The following SHROOM3 variants were observed in gnomAD, a reference collection of about 807,000 sequenced individuals.
The protein encoded by SHROOM3 is protein Shroom3.
SHROOM3 carries 47 observed loss-of-function variants against 138.6 expected under a neutral mutation model. The ratio of observed to expected loss-of-function variants is 0.34; its 90% CI spans 0.27 to 0.43. The LOEUF is 0.43. Ranked by LOEUF, SHROOM3 falls within the 20% of genes least tolerant of loss-of-function variation. The pLI is 1.00. For missense variants in SHROOM3, 2,491 were observed against 2,596.5 expected, an observed-to-expected ratio of 0.96 and a Z score of 0.88; for synonymous variants, 1,062 against 1,063.3, an observed-to-expected ratio of 1.00 and a Z score of 0.02.
intron 2 of SHROOM3, among the ~76,000 whole-genome samples, chr4:76,589,506 T>C (rs1441547434): frequency 6.6e-6 from 1 of 151,026 alleles, no homozygotes; most frequent in East Asian, 1.9e-4. Context: ...CTGGCATCAG[T>C]CACTGAAGGA....
At chr4:76,590,509 C>CTTT (rs34593122) in intron 2 of SHROOM3, among the ~76,000 whole-genome samples, 85 of 137,530 alleles carry the variant, frequency 6.2e-4, no homozygotes, top group South Asian at 1.9e-3. Context: ...AAGAATGGTG[C>CTTT]TTTTTTTTTT....
intron 2 of SHROOM3, among the ~76,000 whole-genome samples, chr4:76,566,226 G>A (rs139745027): frequency 2.0e-4 from 30 of 151,818 alleles, no homozygotes; most frequent in African/African-American, 6.8e-4. Context: ...GATTCACGTA[G>A]CATTTACATT....
intron 1 of SHROOM3, among the ~76,000 whole-genome samples, chr4:76,499,131 C>T (rs747597351): frequency 2.6e-5 from 4 of 152,174 alleles, no homozygotes; most frequent in African/African-American, 4.8e-5. Flanking sequence ...CTCGGAGGTA[C>T]CTGTTCACAC....
At chr4:76,573,940 C>A (rs533686142) in intron 2 of SHROOM3, among the ~76,000 whole-genome samples, 3 of 151,986 alleles carry the variant, frequency 2.0e-5, no homozygotes, top group African/African-American at 7.2e-5. Context: ...CTAGAGACCT[C>A]GAAATTGAGC....
chr4:76,663,127 A>G (rs1000134871), intron 2 of SHROOM3, among the ~76,000 whole-genome samples: 1 of 152,238 alleles, frequency 6.6e-6, no homozygotes, highest in African/African-American at 2.4e-5. Flanking sequence ...CTGGAAATCT[A>G]GAAAACATTT....
intron 2 of SHROOM3, among the ~76,000 whole-genome samples, chr4:76,648,590 G>A (rs573846314): frequency 2.6e-5 from 4 of 151,936 alleles, no homozygotes; most frequent in Non-Finnish European, 4.4e-5. Flanking sequence ...TGTTCAGATC[G>A]CTTTGAAAGA....
chr4:76,535,978 C>T (rs1732945900), intron 1 of SHROOM3, among the ~76,000 whole-genome samples: 1 of 152,200 alleles, frequency 6.6e-6, no homozygotes, highest in Non-Finnish European at 1.5e-5. Flanking sequence ...GGGTGGGTTA[C>T]AGCAACACAG....
intron 2 of SHROOM3, among the ~76,000 whole-genome samples, chr4:76,590,081 G>A (rs1264148375): frequency 6.6e-6 from 1 of 152,138 alleles, no homozygotes; most frequent in African/African-American, 2.4e-5. Flanking sequence ...GCACTAAAAT[G>A]CTTCAGGCCA....
chr4:76,686,410 G>T (rs1190618719), intron 2 of SHROOM3, among the ~76,000 whole-genome samples: 1 of 151,970 alleles, frequency 6.6e-6, no homozygotes, highest in African/African-American at 2.4e-5. Flanking sequence ...AATAAATTGA[G>T]AACCCAAATA....
At chr4:76,567,482 C>G (rs955390569) in intron 2 of SHROOM3, among the ~76,000 whole-genome samples, 2 of 152,238 alleles carry the variant, frequency 1.3e-5, no homozygotes, top group Non-Finnish European at 2.9e-5. Flanking sequence ...AACCCTGTCT[C>G]TATTAAAAAT....
At chr4:76,639,405 G>A (rs1483501497) in intron 2 of SHROOM3, 6 of 393,992 alleles carry the variant, frequency 1.5e-5, no homozygotes, top group Non-Finnish European at 2.7e-5. Context: ...CAAATTGGTG[G>A]TGAGGCAAGT....
In SHROOM3 at chr4:76,652,955, G is replaced by C. The variant is rs75573667; in HGVS notation, c.324-57201G>C. On this transcript the variant is annotated intron_variant, in intron 2 of 10. Coordinates refer to ENST00000296043, the MANE Select transcript of SHROOM3 (RefSeq NM_020859.4). ...TGTAGACCTGGAGCAGATATATCAT[G>C]GTGTGGTGAGACAAGAGATGGGAGG... 9.8e-3 allele frequency among the ~76,000 whole-genome samples: 1,497 copies of C among 152,118 alleles called. 17 individuals are homozygous for C. The highest frequency in any genetic ancestry group is 0.034 in the African/African-American group (1,414 of 41,492).
intron 2 of SHROOM3, among the ~76,000 whole-genome samples, chr4:76,652,839 A>G (rs1361124918): frequency 1.3e-5 from 2 of 152,010 alleles, no homozygotes; most frequent in African/African-American, 4.8e-5. Context: ...ACATATATAA[A>G]ACATATAATA....
chr4:76,511,075 G>A (rs879456075), intron 1 of SHROOM3, among the ~76,000 whole-genome samples: 2 of 152,104 alleles, frequency 1.3e-5, no homozygotes, highest in East Asian at 1.9e-4. Context: ...TCAGCTACTC[G>A]GGAGGCTGAG....
intron 1 of SHROOM3, among the ~76,000 whole-genome samples, chr4:76,474,917 ACT>A (rs1013899352): frequency 2.0e-5 from 3 of 151,254 alleles, no homozygotes; most frequent in African/African-American, 7.3e-5. Flanking sequence ...ACAGAGTGAG[ACT>A]CTGGCTCAAA....
chr4:76,462,872 T>A (rs1271104214), intron 1 of SHROOM3, among the ~76,000 whole-genome samples: 1 of 152,164 alleles, frequency 6.6e-6, no homozygotes, highest in Non-Finnish European at 1.5e-5. Flanking sequence ...ATGTAGCCTG[T>A]GGAACTGTGG....
chr4:76,747,074 T>C (rs1199325059), intron 5 of SHROOM3, among the ~76,000 whole-genome samples: 2 of 152,078 alleles, frequency 1.3e-5, no homozygotes, highest in Non-Finnish European at 2.9e-5. Flanking sequence ...TGTCTCTGCC[T>C]CCCAAAGTGC....
chr4:76,527,421 A>G (rs922641328), intron 1 of SHROOM3, among the ~76,000 whole-genome samples: 1 of 152,152 alleles, frequency 6.6e-6, no homozygotes, highest in African/African-American at 2.4e-5. Context: ...CGTCTCTACT[A>G]AAAATACAAA....
chr4:76,735,853 AAAAAAAAAAAAAAAAATATATATAT>A (rs1436699945), intron 4 of SHROOM3, among the ~76,000 whole-genome samples: 12 of 55,586 alleles, frequency 2.2e-4, no homozygotes, highest in African/African-American at 8.3e-4. Context: ...AAAAAAAAAA[AAAAAAAAAAAAAAAAATATATATAT>A]ATATATATAT....
Sources: allele counts gnomAD v4.1 joint callset (sites outside exome capture counted in the v4.1 genomes callset), GRCh38; gene constraint gnomAD v4.1.1; transcripts MANE v1.5; gene names NCBI Gene and HGNC (gene_info 2026-07-23, HGNC 2026-07-21).